The following ARMC3 variants were observed in gnomAD, a reference collection of about 807,000 sequenced individuals.
ARMC3 encodes armadillo repeat-containing protein 3.
ARMC3 carries 74 observed loss-of-function variants against 90.3 expected under a neutral mutation model. The ratio of observed to expected loss-of-function variants is 0.82; its 90% CI spans 0.68 to 0.99. The LOEUF is 0.99. Ranked by LOEUF, ARMC3 falls within the 50% of genes least tolerant of loss-of-function variation. The probability of loss-of-function intolerance (pLI) is 0.00; values close to 1 mark genes in which losing one functional copy is unlikely to be tolerated. For missense variants in ARMC3, 958 were observed against 1,042.8 expected (o/e 0.92, Z 1.12); for synonymous variants, 334 against 361.8 (o/e 0.92, Z 0.87).
intron 3 of ARMC3, 30 bp from the exon 4 acceptor site, chr10:22,955,776 AT>A (rs1564350366): frequency 6.2e-7 from 1 of 1,611,768 alleles, no homozygotes; most frequent in Non-Finnish European, 8.5e-7. Context: ...GATAATATCC[AT>A]GTGTGGTTTT....
intron 3 of ARMC3, among the ~76,000 whole-genome samples, chr10:22,950,928 T>G (rs1318179655): frequency 6.6e-6 from 1 of 151,588 alleles, no homozygotes; most frequent in African/African-American, 2.4e-5. Flanking sequence ...ATCAAAAGAC[T>G]GTGAAAAATC....
intron 16 of ARMC3, among the ~76,000 whole-genome samples, chr10:23,016,716 A>G (rs1838288210): frequency 6.6e-6 from 1 of 152,230 alleles, no homozygotes; most frequent in Admixed American, 6.5e-5. Context: ...ATAAGAAACT[A>G]CAGTTCAGGA....
At chr10:22,986,260 C>A (rs1002553523) in intron 10 of ARMC3, among the ~76,000 whole-genome samples, 1 of 151,754 alleles carries the variant, frequency 6.6e-6, no homozygotes, top group Non-Finnish European at 1.5e-5. Context: ...AAAAATACAA[C>A]CAAAAAATGG....
intron 16 of ARMC3, among the ~76,000 whole-genome samples, chr10:23,017,258 CTTG>C (rs913967806): frequency 1.1e-4 from 17 of 152,188 alleles, no homozygotes; most frequent in African/African-American, 4.1e-4. Flanking sequence ...ACTTTTTGTA[CTTG>C]TTAAAACGAA....
At chr10:22,989,804 T>A (rs1185672681) in intron 10 of ARMC3, among the ~76,000 whole-genome samples, 2 of 152,216 alleles carry the variant, frequency 1.3e-5, no homozygotes, top group African/African-American at 4.8e-5. Flanking sequence ...TTCCTCCCTG[T>A]CTGATGGAAT....
chr10:23,011,452 A>G (rs1838009575), intron 16 of ARMC3, among the ~76,000 whole-genome samples: 1 of 152,194 alleles, frequency 6.6e-6, no homozygotes, highest in African/African-American at 2.4e-5. Context: ...CATGGTAAAC[A>G]CTCAACCAGT....
chr10:22,958,755 T>C (rs1835062177), intron 4 of ARMC3, among the ~76,000 whole-genome samples: 1 of 152,190 alleles, frequency 6.6e-6, no homozygotes, highest in African/African-American at 2.4e-5. Context: ...AGGGTCTCAC[T>C]CTGTTGCCCA....
chr10:22,967,225 C>A (rs1321825475), intron 7 of ARMC3, among the ~76,000 whole-genome samples: 1 of 152,126 alleles, frequency 6.6e-6, no homozygotes, highest in Non-Finnish European at 1.5e-5. Flanking sequence ...GGAGGGTAAT[C>A]TGCTTTACTC....
At chr10:23,025,933 A>T (rs1258091826) in intron 16 of ARMC3, among the ~76,000 whole-genome samples, 1 of 152,124 alleles carries the variant, frequency 6.6e-6, no homozygotes, top group African/African-American at 2.4e-5. Context: ...AACACACAAT[A>T]AAGGATAATA....
Position 23,032,964 on chromosome 10 carries a change from G to A in ARMC3, c.2350G>A (p.Val784Ile), listed in dbSNP as rs1838974939. The change falls in exon 18 of 19, where the codon GTT becomes ATT. Residue 784 changes from valine to isoleucine, a missense_variant. By Grantham distance (29) the Val-to-Ile change is conservative (BLOSUM62 3). Transcript: ENST00000298032. ...SELKFQLKSN[V>I]IPIGHVKKGI... is the part of the protein sequence containing the mutation. ...ACTGAAATTTCAACTTAAATCCAATGTTATACCGATTGGACATGTCAAAAA... is the reference window on the plus strand; with the variant it reads ...ACTGAAATTTCAACTTAAATCCAATATTATACCGATTGGACATGTCAAAAA... 1 of 1,612,974 alleles carries A rather than the reference G, an allele frequency of 6.2e-7. No homozygotes were observed. Among genetic ancestry groups the A allele is most frequent in the African/African-American group, 1.3e-5 (1 of 74,842 alleles).
chr10:22,933,842 A>G (rs1193340466), intron 2 of ARMC3, among the ~76,000 whole-genome samples: 2 of 152,166 alleles, frequency 1.3e-5, no homozygotes, highest in Non-Finnish European at 2.9e-5. Flanking sequence ...CTGAGATCCC[A>G]CCACTGCACT....
Position 22,968,887 on chromosome 10 carries a change from C to G in ARMC3, c.916+398C>G, listed in dbSNP as rs906455824. On this transcript the variant is annotated intron_variant, in intron 8 of 18. Transcript: ENST00000298032. ...GAGCATTTGTCTGCTTTTAAAAAAC[C>G]ATTTGAGAATAGTGCTATATTTACT... is the stretch of plus-strand genomic sequence containing the variant. Among the ~76,000 whole-genome samples the G allele has an allele frequency of 2.0e-5, 3 of 152,178 alleles. No homozygotes were observed. In the East Asian group the frequency reaches 5.8e-4, roughly 29 times the overall value.
chr10:22,931,059 C>T (rs1833908458), intron 1 of ARMC3, among the ~76,000 whole-genome samples: 1 of 152,130 alleles, frequency 6.6e-6, no homozygotes, highest in South Asian at 2.1e-4. Flanking sequence ...TCCTGAGTAG[C>T]TGGGACTACA....
intron 2 of ARMC3, among the ~76,000 whole-genome samples, chr10:22,935,719 C>A (rs995659413): frequency 2.0e-5 from 3 of 152,176 alleles, no homozygotes; most frequent in Non-Finnish European, 4.4e-5. Flanking sequence ...ATATATAAAA[C>A]AATATGGATA....
chr10:22,951,500 AATAGATCAT>A (rs1475057673), intron 3 of ARMC3, among the ~76,000 whole-genome samples: 16 of 152,208 alleles, frequency 1.1e-4, no homozygotes, highest in Non-Finnish European at 1.8e-4. Context: ...CATTTATCCA[AATAGATCAT>A]ATTCTAGGCC....
chr10:22,960,096 C>T (rs1835126239), intron 6 of ARMC3: 1 of 306,658 alleles, frequency 3.3e-6, no homozygotes. Flanking sequence ...AACTGCCAAC[C>T]TTCCCCTCCC....
chr10:22,985,400 C>G (rs1277242562), intron 10 of ARMC3, among the ~76,000 whole-genome samples: 2 of 152,150 alleles, frequency 1.3e-5, no homozygotes, highest in African/African-American at 4.8e-5. Flanking sequence ...GATTCCTTAT[C>G]AAGCTTCTGA....
intron 2 of ARMC3, among the ~76,000 whole-genome samples, chr10:22,935,400 T>G (rs1310395681): frequency 6.6e-6 from 1 of 152,196 alleles, no homozygotes; most frequent in African/African-American, 2.4e-5. Flanking sequence ...CTTGCCCTAT[T>G]GGACAGCACA....
chr10:23,012,614 C>G (rs1838067315), intron 16 of ARMC3, among the ~76,000 whole-genome samples: 1 of 152,066 alleles, frequency 6.6e-6, no homozygotes, highest in African/African-American at 2.4e-5. Context: ...TCATGTTAAT[C>G]ATATTCCCAT....
Sources: allele counts gnomAD v4.1 joint callset (sites outside exome capture counted in the v4.1 genomes callset), GRCh38; gene constraint gnomAD v4.1.1; transcripts MANE v1.5; gene names NCBI Gene and HGNC (gene_info 2026-07-23, HGNC 2026-07-21).